The following MED12L variants were observed in gnomAD, a reference collection of about 807,000 sequenced individuals.
MED12L encodes mediator complex subunit 12L.
MED12L carries 60 observed loss-of-function variants against 281.3 expected under a neutral mutation model. The observed-to-expected ratio is 0.21, with a 90% CI of 0.17 to 0.26. The LOEUF is 0.26. Among genes scored for constraint, MED12L ranks in the 10% least tolerant of loss-of-function variants. The pLI, the probability that MED12L is intolerant of heterozygous loss-of-function variation, is 1.00. For synonymous variants in MED12L, 974 were observed against 987.2 expected, an observed-to-expected ratio of 0.99 and a Z score of 0.25; for missense variants, 2,146 against 2,680.9, an observed-to-expected ratio of 0.80 and a Z score of 4.41.
chr3:151,173,403 A>G (rs554023971), intron 11 of MED12L, among the ~76,000 whole-genome samples: 1 of 152,336 alleles, frequency 6.6e-6, no homozygotes, highest in Non-Finnish European at 1.5e-5. Context: ...ATTTTATTTC[A>G]GTGAACAATA....
intron 36 of MED12L, among the ~76,000 whole-genome samples, chr3:151,386,476 G>T (rs935606441): frequency 1.3e-5 from 2 of 151,716 alleles, no homozygotes; most frequent in African/African-American, 4.8e-5. Context: ...TGCAACCTCT[G>T]TCTCTCGGGT....
intron 2 of MED12L, among the ~76,000 whole-genome samples, chr3:151,097,119 G>T (rs548586267): frequency 1.3e-5 from 2 of 152,318 alleles, no homozygotes; most frequent in South Asian, 2.1e-4. Context: ...GACTGTGTGT[G>T]TGCTGGAGGT....
chr3:151,254,737 C>T (rs1274443453), intron 16 of MED12L, among the ~76,000 whole-genome samples: 2 of 152,160 alleles, frequency 1.3e-5, no homozygotes, highest in African/African-American at 4.8e-5. Flanking sequence ...AGAGGAGATT[C>T]GTGTTGACAA....
At chr3:151,160,501 C>T (rs1027860904) in intron 8 of MED12L, among the ~76,000 whole-genome samples, 3 of 152,172 alleles carry the variant, frequency 2.0e-5, no homozygotes, top group Non-Finnish European at 4.4e-5. Flanking sequence ...TATCGGGTTC[C>T]GTTCGTCTTC....
At chr3:151,131,301 A>G (rs1269479904) in intron 5 of MED12L, among the ~76,000 whole-genome samples, 1 of 152,210 alleles carries the variant, frequency 6.6e-6, no homozygotes, top group Non-Finnish European at 1.5e-5. Context: ...AAACGATTTT[A>G]GAGCAAATAA....
At chr3:151,278,247 C>T (rs1417470515) in intron 16 of MED12L, 1 of 152,244 alleles carries the variant, frequency 6.6e-6, no homozygotes. Context: ...GCACCATTCA[C>T]ATACATGCAA....
chr3:151,366,939 T>A (rs894612021), intron 23 of MED12L, among the ~76,000 whole-genome samples: 1 of 152,188 alleles, frequency 6.6e-6, no homozygotes, highest in Non-Finnish European at 1.5e-5. Context: ...GTGAACCTTA[T>A]GGTGGTGTGC....
At chr3:151,371,139 T>C (rs1359021901) in intron 26 of MED12L, among the ~76,000 whole-genome samples, 1 of 152,192 alleles carries the variant, frequency 6.6e-6, no homozygotes, top group Non-Finnish European at 1.5e-5. Context: ...GTTTTTTCTC[T>C]TTCTTTTCTT....
In MED12L at chr3:151,394,691, C is replaced by T. The variant is rs749419311; in HGVS notation, c.5644C>T (p.Pro1882Ser). The T allele has an allele frequency of 6.2e-7, 1 of 1,614,142 alleles. No individual in the cohort carries two copies. The highest frequency in any genetic ancestry group is 8.5e-7 in the Non-Finnish European group (1 of 1,180,044). Residue 1882 changes from proline (P) to serine (S), a missense_variant, in exon 39 of 45, where the codon CCA becomes TCA. Transcript: ENST00000687756. ...ATTGGACCCTGCAGGCTCCTTTGTC[C>T]CAACCAACACCAAACAAGCTCTGTC... is the stretch of plus-strand genomic sequence containing the variant. ...SRLDPAGSFV[P>S]TNTKQALSNM...
chr3:151,308,219 A>G (rs527452256), intron 16 of MED12L, among the ~76,000 whole-genome samples: 1 of 152,262 alleles, frequency 6.6e-6, no homozygotes, highest in South Asian at 2.1e-4. Flanking sequence ...TTAACTCAGT[A>G]AGTTGTAAAA....
intron 16 of MED12L, among the ~76,000 whole-genome samples, chr3:151,283,598 T>G (rs921185529): frequency 6.6e-6 from 1 of 152,238 alleles, no homozygotes; most frequent in Admixed American, 6.5e-5. Flanking sequence ...TGATGTGGCC[T>G]GTGTTTCTGT....
At chr3:151,246,738 A>G (rs1241287072) in intron 16 of MED12L, among the ~76,000 whole-genome samples, 1 of 152,252 alleles carries the variant, frequency 6.6e-6, no homozygotes, top group Non-Finnish European at 1.5e-5. Context: ...AAACACCAAA[A>G]GCAATGGCCA....
chr3:151,232,653 G>A (rs1364511907), intron 16 of MED12L, among the ~76,000 whole-genome samples: 1 of 152,156 alleles, frequency 6.6e-6, no homozygotes. Flanking sequence ...GGATGGAGCT[G>A]GAAACCATTA....
intron 16 of MED12L, among the ~76,000 whole-genome samples, chr3:151,334,570 A>G (rs1311035518): frequency 2.6e-5 from 4 of 152,074 alleles, no homozygotes; most frequent in Admixed American, 1.3e-4. Context: ...CAGTGGCTCA[A>G]TCTCGGCTCA....
intron 11 of MED12L, among the ~76,000 whole-genome samples, chr3:151,173,540 T>C (rs1476376477): frequency 6.6e-6 from 1 of 152,220 alleles, no homozygotes; most frequent in African/African-American, 2.4e-5. Flanking sequence ...GATGGAATAA[T>C]CTATTAATTT....
rs147233054 is a variant in MED12L at position 151,343,986 on chromosome 3, G to C, written c.2251-6073G>C. 2.3e-4 allele frequency among the ~76,000 whole-genome samples: 35 copies of C among 152,226 alleles called. 1 individual carries two copies. The East Asian group carries it at 6.2e-3, about 27-fold the overall frequency. On this transcript the variant is annotated intron_variant, in intron 16 of 44. Coordinates refer to ENST00000687756, the MANE Select transcript of MED12L (RefSeq NM_001393769.1). ...TTGAGGGTGTGTATTTTAAAGCAGT[G>C]CATAGTCATGTCTGCTAGCTTGGCT...
At chr3:151,328,997 T>A (rs749980757) in intron 16 of MED12L, 2 of 1,592,526 alleles carry the variant, frequency 1.3e-6, no homozygotes, top group African/African-American at 2.7e-5. Flanking sequence ...GTTCATTGCT[T>A]CCAGTGTCAC....
rs1755120434 is a variant in MED12L, at chr3:151,365,161, G to C, written c.3140G>C (p.Cys1047Ser). ...GCGGCCAATCGCTACAGCTTTGTCT[G>C]CAATACACTCATGAATGTATGTATG... ...DNAANRYSFV[C>S]NTLMNVCMGH... The change falls in exon 22 of 45, where the codon TGC (cysteine) becomes TCC (serine). Residue 1047 changes from cysteine (C) to serine (S), a missense_variant. By Grantham distance (112) the Cys-to-Ser change is moderately radical. Coordinates refer to ENST00000687756, the MANE Select transcript of MED12L (RefSeq NM_001393769.1). The C allele has an allele frequency of 6.2e-7, 1 of 1,613,946 alleles. No homozygotes were observed. The highest frequency in any genetic ancestry group is 1.1e-5 in the South Asian group (1 of 91,088).
chr3:151,194,958 A>C (rs562891146), intron 16 of MED12L, among the ~76,000 whole-genome samples: 1 of 152,230 alleles, frequency 6.6e-6, no homozygotes, highest in Non-Finnish European at 1.5e-5. Context: ...AGGTCAGGAG[A>C]TCGAGACCAT....
Sources: allele counts gnomAD v4.1 joint callset (sites outside exome capture counted in the v4.1 genomes callset), GRCh38; gene constraint gnomAD v4.1.1; transcripts MANE v1.5; gene names NCBI Gene and HGNC (gene_info 2026-07-23, HGNC 2026-07-21).